Variants in CGREF1 observed in about 807,000 individuals in gnomAD.
The protein encoded by CGREF1 is cell growth regulator with EF hand domain protein 1.
In CGREF1, 16 loss-of-function variants were observed where a neutral mutation model predicts 17.4. The observed-to-expected ratio is 0.92, with a 90% CI of 0.62 to 1.40. CGREF1 has a LOEUF of 1.40. Ranked by LOEUF, CGREF1 falls within the 40% of genes most tolerant of loss-of-function variation. The probability of loss-of-function intolerance (pLI) is 0.00; values close to 1 mark genes in which losing one functional copy is unlikely to be tolerated. For missense variants in CGREF1, 296 were observed against 376.4 expected, an observed-to-expected ratio of 0.79 and a Z score of 1.77; for synonymous variants, 142 against 154.6, an observed-to-expected ratio of 0.92 and a Z score of 0.61.
chr2:27,110,819 G>A (rs1359158791), intron 1 of CGREF1: 1 of 152,710 alleles, frequency 6.5e-6, no homozygotes, highest in Non-Finnish European at 1.5e-5. Context: ...TGCGTTCGAA[G>A]TTTCTTCCTT....
chr2:27,104,727 A>G (rs968123210), intron 1 of CGREF1: 1 of 1,527,814 alleles, frequency 6.5e-7, no homozygotes. Context: ...CCTTCAGCCC[A>G]TTCATCTTAC....
At chr2:27,113,948 T>C (rs1671483856) in intron 1 of CGREF1, among the ~76,000 whole-genome samples, 1 of 144,978 alleles carries the variant, frequency 6.9e-6, no homozygotes, top group Non-Finnish European at 1.5e-5. Flanking sequence ...CTGTCAAAAC[T>C]CATCATCCAG....
chr2:27,110,059 G>T (rs992921543), intron 1 of CGREF1, among the ~76,000 whole-genome samples: 1 of 151,654 alleles, frequency 6.6e-6, no homozygotes, highest in African/African-American at 2.4e-5. Context: ...AGATGAAAAA[G>T]AAGAAATAAA....
downstream of CGREF1, chr2:27,100,150 G>A: frequency 1.9e-6 from 1 of 514,538 alleles, no homozygotes. Context: ...CCCTGGCTGG[G>A]GAGGACACTC....
chr2:27,102,690 A>G, intron 2 of CGREF1, 99 bp from the exon 3 acceptor site: 1 of 1,328,916 alleles, frequency 7.5e-7, no homozygotes, highest in African/African-American at 1.5e-5. Context: ...TTCTCCCCAG[A>G]CCCAAAGGGA....
At chr2:27,102,698 G>A in intron 2 of CGREF1, 107 bp from the exon 3 acceptor site, 2 of 1,270,290 alleles carry the variant, frequency 1.6e-6, no homozygotes, top group Non-Finnish European at 2.1e-6. Context: ...AGACCCAAAG[G>A]GAGTTGCCCC....
chr2:27,100,520 C>T, downstream of CGREF1: 1 of 1,290,888 alleles, frequency 7.7e-7, no homozygotes, highest in Non-Finnish European at 1.0e-6. Context: ...TTGGGGCCAA[C>T]TCCAATATAG....
At chr2:27,099,816 C>T (rs1426968318), downstream of CGREF1, 11 of 1,579,990 alleles carry the variant, frequency 7.0e-6, no homozygotes, top group East Asian at 1.6e-4. Flanking sequence ...TTCTCCCCTC[C>T]ATCCAGCCTG....
chr2:27,110,966 A>G (rs1480078678), intron 1 of CGREF1: 1 of 152,290 alleles, frequency 6.6e-6, no homozygotes, highest in Non-Finnish European at 1.5e-5. Flanking sequence ...TTCAGGAGTA[A>G]AGCTGTAGAC....
chr2:27,116,434 C>T (rs866232923), intron 1 of CGREF1, among the ~76,000 whole-genome samples: 3 of 151,060 alleles, frequency 2.0e-5, no homozygotes, highest in African/African-American at 7.3e-5. Flanking sequence ...GGCTGAGACA[C>T]GAGAATTGCT....
intron 1 of CGREF1, among the ~76,000 whole-genome samples, chr2:27,116,923 C>CTCTCTCTCTCTTT (rs1259106800): frequency 1.9e-5 from 1 of 53,016 alleles, no homozygotes; most frequent in Non-Finnish European, 3.6e-5. Context: ...CTCTCTCTCT[C>CTCTCTCTCTCTTT]TTTTTTTGAG....
chr2:27,114,128 G>A (rs1671491550), intron 1 of CGREF1, among the ~76,000 whole-genome samples: 1 of 151,722 alleles, frequency 6.6e-6, no homozygotes, highest in Non-Finnish European at 1.5e-5. Flanking sequence ...CCAAGTAGCT[G>A]GGACTACAGG....
At chr2:27,108,169 C>T (rs1017143116) in intron 1 of CGREF1, among the ~76,000 whole-genome samples, 12 of 151,960 alleles carry the variant, frequency 7.9e-5, no homozygotes, top group African/African-American at 2.7e-4. Flanking sequence ...GCAGGAGAAT[C>T]GCTTGAACCC....
downstream of CGREF1, chr2:27,100,109 G>A (rs878995630): frequency 8.8e-6 from 5 of 569,174 alleles, no homozygotes; most frequent in South Asian, 2.0e-5. Flanking sequence ...CTAGAGCAGC[G>A]AGAAGTGCCC....
At chr2:27,117,028 T>G (rs1381427735) in intron 1 of CGREF1, among the ~76,000 whole-genome samples, 1 of 151,976 alleles carries the variant, frequency 6.6e-6, no homozygotes, top group Non-Finnish European at 1.5e-5. Context: ...TTCTCCTGCC[T>G]CAGCCTCCCA....
Position 27,102,531 on chromosome 2 carries a change from C to G in CGREF1, c.141G>C (p.Gln47His). Residue 47 changes from glutamine (Q) to histidine (H), a missense_variant, in exon 3 of 6, where the codon CAG becomes CAC. Gln to His is a conservative substitution (Grantham distance 24). Around this residue, in one of 3 missense-constraint regions of CGREF1, gnomAD observed 247 missense variants for 267.2 expected, o/e 0.92. Transcript: ENST00000402394. ...LPNPFQPGQE[Q>H]LGLLQSYLKG... ...CCCCGGCCCACCCTACTCACCCGAG[C>G]TGCTCCTGGCCTGGCTGGAAGGGGT... 6 of 1,614,080 alleles carry G rather than the reference C, an allele frequency of 3.7e-6. No individual in the cohort carries two copies. The highest frequency in any genetic ancestry group is 5.1e-6 in the Non-Finnish European group (6 of 1,179,946).
At chr2:27,112,373 T>G (rs1558464605) in intron 1 of CGREF1, among the ~76,000 whole-genome samples, 1 of 152,140 alleles carries the variant, frequency 6.6e-6, no homozygotes. Context: ...AGCAGAGATT[T>G]GAAAACTTAG....
downstream of CGREF1, chr2:27,099,603 AGGACTG>A: frequency 6.2e-7 from 1 of 1,613,998 alleles, no homozygotes; most frequent in Non-Finnish European, 8.5e-7. Flanking sequence ...GGAGGGGAAA[AGGACTG>A]GGACCTGTCC....
chr2:27,100,854 C>G lies in CGREF1; in HGVS notation c.*420G>C. 1 of 1,092,236 alleles carries G rather than the reference C, an allele frequency of 9.2e-7. No homozygotes were observed. The highest frequency in any genetic ancestry group is 2.6e-5 in the South Asian group (1 of 39,186). The allele number at this position is 1,092,236 out of a possible 1,614,324, so 67.7% of individuals were successfully genotyped here. On this transcript the variant is annotated 3_prime_UTR_variant, in exon 6 of 6. Transcript: ENST00000402394. ...CAGGAGAGCATGGGGTGTCTGAACACCAGGTGAGGGGGAACCGGTGAGGGT... is the reference window on the plus strand; with the variant it reads ...CAGGAGAGCATGGGGTGTCTGAACAGCAGGTGAGGGGGAACCGGTGAGGGT...
Sources: gnomAD v4.1 joint callset for allele counts (sites outside exome capture counted in the v4.1 genomes callset) on GRCh38, gnomAD v4.1.1 for gene constraint, gnomAD v4.1.1 regional missense constraint, MANE v1.5 for transcripts, NCBI Gene and HGNC (gene_info 2026-07-23, HGNC 2026-07-21) for gene names.